GATB: variants seen among roughly 807,000 people sequenced by gnomAD.
GATB encodes the protein glutamyl-tRNA amidotransferase subunit B, also known as glutamyl-tRNA(Gln) amidotransferase subunit B, mitochondrial.
In GATB, 39 loss-of-function variants were observed where a neutral mutation model predicts 62.3. The ratio of observed to expected loss-of-function variants is 0.63; its 90% CI spans 0.48 to 0.82. GATB has a LOEUF of 0.82. GATB is among the 40% of genes least tolerant of loss of function. The pLI is 0.00. For missense variants in GATB, 670 were observed against 684.0 expected (o/e 0.98, Z 0.23); for synonymous variants, 276 against 258.9 (o/e 1.07, Z -0.63).
intron 11 of GATB, among the ~76,000 whole-genome samples, chr4:151,679,585 C>A (rs1667561866): frequency 6.6e-6 from 1 of 152,206 alleles, no homozygotes; most frequent in Non-Finnish European, 1.5e-5. Flanking sequence ...CAGACAATAA[C>A]TATTTCCCCA....
In GATB at chr4:151,730,968, T is replaced by C. The variant is rs1393425509; in HGVS notation, c.328-11430A>G. The stretch of plus-strand genomic sequence containing the variant: ...AAAAAGAATTCAGGAGGTCAGCTAT[T>C]AAGCTAATCAGGGAGGGACCAGAGA... On this transcript the variant is annotated intron_variant, in intron 2 of 12. Coordinates refer to ENST00000263985, the MANE Select transcript of GATB (RefSeq NM_004564.3). The surrounding 1 kb of genome is among the most constrained non-coding windows in gnomAD (Gnocchi z 4.1). 1.3e-5 allele frequency among the ~76,000 whole-genome samples: 2 copies of C among 152,204 alleles called. No individual in the cohort carries two copies. The highest frequency in any genetic ancestry group is 2.9e-5 in the Non-Finnish European group (2 of 68,042).
chr4:151,719,577 G>A, intron 2 of GATB, 39 bp from the exon 3 acceptor site: 2 of 1,382,754 alleles, frequency 1.4e-6, no homozygotes, highest in Admixed American at 2.1e-5. Flanking sequence ...CAGAACCGCA[G>A]GCTGAACAAA....
In GATB at chr4:151,718,527, C is replaced by T. The variant is rs965233386; in HGVS notation, c.441+898G>A. On this transcript the variant is annotated intron_variant, in intron 3 of 12. Coordinates refer to ENST00000263985, the MANE Select transcript of GATB (RefSeq NM_004564.3). ...TAAAGAAAGGCGGTTTAATTCTTTC[C>T]GCCCTACCAAACAGTAGACTTGCTG... 3.9e-5 allele frequency among the ~76,000 whole-genome samples: 6 copies of T among 152,210 alleles called. No homozygotes were observed. In the South Asian group the frequency reaches 8.3e-4, roughly 21 times the overall value.
chr4:151,671,016 G>T lies in GATB; in HGVS notation c.*158C>A. On this transcript the variant is annotated 3_prime_UTR_variant, in exon 13 of 13. Coordinates refer to ENST00000263985, the MANE Select transcript of GATB (RefSeq NM_004564.3). ...GCACCTCCAGGCACAGGGCCTAGAG[G>T]GTGAGAACACTGGTGACATTAATGC... The T allele has an allele frequency of 1.2e-6, 1 of 847,556 alleles. No homozygotes were observed. Among genetic ancestry groups the T allele is most frequent in the Non-Finnish European group, 1.9e-6 (1 of 537,712 alleles). 52.5% of individuals were successfully genotyped at this position (847,556 alleles called of 1,614,324 possible).
At chr4:151,673,989 A>G (rs1425655446) in intron 11 of GATB, 1 of 152,246 alleles carries the variant, frequency 6.6e-6, no homozygotes, top group Non-Finnish European at 1.5e-5. Flanking sequence ...AGTCTTCCCC[A>G]GTCTGATTCA....
intron 2 of GATB, among the ~76,000 whole-genome samples, chr4:151,738,612 A>G (rs1479137023): frequency 1.3e-5 from 2 of 152,254 alleles, no homozygotes; most frequent in Non-Finnish European, 2.9e-5. Context: ...TTTATGTGCT[A>G]CTTGAGAGTC....
intron 2 of GATB, among the ~76,000 whole-genome samples, chr4:151,739,149 C>T (rs1260611541): frequency 1.3e-5 from 2 of 152,190 alleles, no homozygotes; most frequent in African/African-American, 2.4e-5. Flanking sequence ...AAAGGAGATA[C>T]GTGCATAAAA....
intron 2 of GATB, among the ~76,000 whole-genome samples, chr4:151,728,623 A>T (rs886258749): frequency 3.3e-5 from 5 of 152,138 alleles, no homozygotes; most frequent in African/African-American, 7.2e-5. Context: ...ATGTGTCCTA[A>T]AATTTACTCA....
chr4:151,719,797 T>G (rs756276877), intron 2 of GATB: 14 of 320,554 alleles, frequency 4.4e-5, no homozygotes, highest in Non-Finnish European at 8.0e-5. Context: ...TTTCCCCCAG[T>G]GCCCGGCATC....
At chr4:151,714,349 G>T (rs972259588) in intron 5 of GATB, among the ~76,000 whole-genome samples, 23 of 152,208 alleles carry the variant, frequency 1.5e-4, no homozygotes, top group Admixed American at 6.5e-5. Flanking sequence ...GTCCTAAAGG[G>T]GTGGGAGGAG....
intron 2 of GATB, among the ~76,000 whole-genome samples, chr4:151,748,262 T>C (rs1739642632): frequency 6.6e-6 from 1 of 152,202 alleles, no homozygotes; most frequent in South Asian, 2.1e-4. Context: ...GACTTCAAAC[T>C]ATACTACAAG....
At chr4:151,679,958 T>A in intron 10 of GATB, 67 bp from the exon 11 acceptor site, 1 of 1,417,084 alleles carries the variant, frequency 7.1e-7, no homozygotes, top group Non-Finnish European at 1.0e-6. Context: ...GAATGGCTGT[T>A]CGGAATCAGA....
chr4:151,728,853 A>C (rs1436902161), intron 2 of GATB, among the ~76,000 whole-genome samples: 1 of 152,240 alleles, frequency 6.6e-6, no homozygotes, highest in African/African-American at 2.4e-5. Flanking sequence ...TGAACCAACC[A>C]AACTCTAAGT....
Position 151,671,382 on chromosome 4 carries a change from T to C in GATB, c.1546-80A>G. 2.2e-6 allele frequency: 3 copies of C among 1,379,154 alleles called. No homozygotes were observed. The South Asian group carries it at 3.6e-5, about 17-fold the overall frequency. The allele number at this position is 1,379,154 out of a possible 1,614,324, so 85.4% of individuals were successfully genotyped here. ...CCAAATCCCAAACTAAGGCTTAAGT[T>C]TACTGAAAATTAAATTCCGCTTATT... On this transcript the variant is annotated intron_variant, in intron 12 of 12. Transcript: ENST00000263985.
At position 151,708,077 on chromosome 4, in the gene GATB, T is replaced by C. The variant is rs372598891; in HGVS notation, c.788A>G (p.Asn263Ser). 484 of 1,613,498 alleles carry C rather than the reference T, an allele frequency of 3.0e-4. No homozygotes were observed. The highest frequency in any genetic ancestry group is 3.7e-4 in the Non-Finnish European group (434 of 1,179,548). ...CTCCCCAGGGTGATGCACGGATATA[T>C]TGGCATCCACTCTCAACTGGCCCTC... ...MAEGQLRVDA[N>S]ISVHHPGEPL... Residue 263 changes from asparagine (N) to serine (S), a missense_variant, in exon 6 of 13, where the codon AAT becomes AGT. Asn to Ser is a conservative substitution (Grantham distance 46, BLOSUM62 1). Transcript: ENST00000263985.
In GATB at chr4:151,719,509, C is replaced by G. The variant is rs544208100; in HGVS notation, c.357G>C (p.Ala119=). The change falls in exon 3 of 13, where the codon GCG becomes GCC. Residue 119 remains alanine, a synonymous_variant. Transcript: ENST00000263985. ...PVLNRRCVEA[A]VMTGLALNCH... ...AGTTCAGAGCCAGGCCTGTCATCAC[C>G]GCCGCTTCTACACACCTCCTGTTGA... is the stretch of plus-strand genomic sequence containing the variant. 1.2e-6 allele frequency: 2 copies of G among 1,609,812 alleles called. No homozygotes were observed. The highest frequency in any genetic ancestry group is 2.2e-5 in the South Asian group (2 of 90,132).
At chr4:151,732,286 A>T (rs1187824064) in intron 2 of GATB, among the ~76,000 whole-genome samples, 3 of 152,138 alleles carry the variant, frequency 2.0e-5, no homozygotes, top group Non-Finnish European at 2.9e-5. Flanking sequence ...GAAAAGGGGG[A>T]AAGGTGGGGA....
chr4:151,757,699 G>A (rs566182806), intron 2 of GATB, among the ~76,000 whole-genome samples: 407 of 152,108 alleles, frequency 2.7e-3, no homozygotes, highest in Non-Finnish European at 3.9e-3. Context: ...GGATGGTCTC[G>A]ATCTCCTGAC....
intron 5 of GATB, 131 bp from the exon 6 acceptor site, chr4:151,708,232 A>G (rs1477456922): frequency 1.5e-6 from 1 of 649,334 alleles, no homozygotes; most frequent in Non-Finnish European, 2.7e-6. Context: ...AACTTCAGAG[A>G]AGGCACGGTT....
Sources: gnomAD v4.1 joint callset for allele counts (sites outside exome capture counted in the v4.1 genomes callset) on GRCh38, gnomAD v4.1.1 for gene constraint, Gnocchi (gnomAD v3.1) non-coding constraint, MANE v1.5 for transcripts, NCBI Gene and HGNC (gene_info 2026-07-23, HGNC 2026-07-21) for gene names.